Variants in SETD6 observed in about 807,000 individuals in gnomAD.
SETD6 encodes the protein SET domain containing 6, protein lysine methyltransferase.
Under a neutral mutation model 52.7 loss-of-function variants are expected in SETD6, and 67 were observed. The ratio of observed to expected loss-of-function variants is 1.27; its 90% CI spans 1.04 to 1.56. The LOEUF (loss-of-function observed/expected upper bound fraction) is 1.56, where lower values mean the gene tolerates loss of function less well. SETD6 is among the 40% of genes most tolerant of loss of function. SETD6 has a pLI of 0.00. For missense variants in SETD6, 712 were observed against 607.5 expected (o/e 1.17, Z -1.81); for synonymous variants, 307 against 250.2 (o/e 1.23, Z -2.14).
At position 58,516,821 on chromosome 16, in the gene SETD6, C is replaced by T. The variant is rs750979736; in HGVS notation, c.685C>T (p.Leu229=). Reference sequence around the variant, plus strand: ...TGTCAATGGCAGCTTTCAGGAACCACTGGAGGAAGAAGAGGATGAAAAGGA... The same window carrying T: ...TGTCAATGGCAGCTTTCAGGAACCATTGGAGGAAGAAGAGGATGAAAAGGA... ...LVMAYSFQEP[L]EEEEDEKEPN... Residue 229 remains leucine, a synonymous_variant, in exon 5 of 8, where the codon CTG becomes TTG. Coordinates refer to ENST00000219315, the MANE Select transcript of SETD6 (RefSeq NM_001160305.4). The T allele has an allele frequency of 1.9e-6, 3 of 1,614,078 alleles. No homozygotes were observed. The highest frequency in any genetic ancestry group is 1.7e-5 in the Admixed American group (1 of 60,014).
chr16:58,517,137 T>C, intron 5 of SETD6: 1 of 665,422 alleles, frequency 1.5e-6, no homozygotes, highest in South Asian at 1.8e-5. Flanking sequence ...TGATAAACTA[T>C]ACTACCATCA....
chr16:58,522,034 T>G lies in SETD6; in HGVS notation c.*3005T>G, dbSNP rs1159867421. ...AAATAAGAATTAAGTATTCTAACACTGCAGGCTGGGCACAGTGACTCACGC... is the reference window on the plus strand; with the variant it reads ...AAATAAGAATTAAGTATTCTAACACGGCAGGCTGGGCACAGTGACTCACGC... On this transcript the variant is annotated 3_prime_UTR_variant, in exon 8 of 8. Transcript: ENST00000219315. Among the ~76,000 whole-genome samples the G allele has an allele frequency of 1.3e-5, 2 of 150,952 alleles. No individual in the cohort carries two copies. The highest frequency in any genetic ancestry group is 2.9e-5 in the Non-Finnish European group (2 of 67,814).
In SETD6 at chr16:58,516,807, G is replaced by C. The variant is rs774787085; in HGVS notation, c.672-1G>C. 1 of 1,614,176 alleles carries C rather than the reference G, an allele frequency of 6.2e-7. No homozygotes were observed. The highest frequency in any genetic ancestry group is 1.1e-5 in the South Asian group (1 of 91,080). On this transcript the variant is annotated splice_acceptor_variant, in intron 4 of 7. Coordinates refer to ENST00000219315, the MANE Select transcript of SETD6 (RefSeq NM_001160305.4). LOFTEE classifies it high-confidence loss of function. Reference sequence around the variant, plus strand: ...CCTTAGCCAGGTTCTGTCAATGGCAGCTTTCAGGAACCACTGGAGGAAGAA... The same window carrying C: ...CCTTAGCCAGGTTCTGTCAATGGCACCTTTCAGGAACCACTGGAGGAAGAA...
Position 58,519,797 on chromosome 16 carries a change from T to C in SETD6, c.*768T>C, listed in dbSNP as rs1199029315. The C allele has an allele frequency of 6.7e-6, 1 of 148,862 alleles. No homozygotes were observed. Among genetic ancestry groups the C allele is most frequent in the East Asian group, 2.0e-4 (1 of 5,028 alleles). 9.2% of individuals were successfully genotyped at this position (148,862 alleles called of 1,614,324 possible). A position where few individuals can be genotyped will look rare whatever the true frequency, so the allele number is the denominator to read the frequency against. On this transcript the variant is annotated 3_prime_UTR_variant, in exon 8 of 8. Transcript: ENST00000219315. ...TTCCTTAAACATGCCAGCTTAGTAG[T>C]AGGAATGACCTATCAATCAATCAAT...
At position 58,523,494 on chromosome 16, in the gene SETD6, G is replaced by T. The variant is rs1328438791; in HGVS notation, c.*4465G>T. On this transcript the variant is annotated 3_prime_UTR_variant, in exon 8 of 8. Transcript: ENST00000219315. ...TGATTTGCAATTGCATTCAAAAAGA[G>T]ATAGCGACCTAGAAATTAAGAAACC... The T allele has an allele frequency of 6.2e-7, 1 of 1,613,894 alleles. No individual in the cohort carries two copies.
At position 58,523,438 on chromosome 16, in the gene SETD6, G is replaced by A. The variant is rs11644694; in HGVS notation, c.*4409G>A. The A allele has an allele frequency of 0.04, 63,852 of 1,613,818 alleles. 1,456 individuals are homozygous for A. The highest frequency in any genetic ancestry group is 0.048 in the Non-Finnish European group (56,508 of 1,179,714). ...AAAGGTACAGCATGGTGCAACTGAA[G>A]TAGTGAGTGTGGCTATTTGGGTACC... On this transcript the variant is annotated 3_prime_UTR_variant, in exon 8 of 8. Transcript: ENST00000219315.
chr16:58,520,720 G>C lies in SETD6; in HGVS notation c.*1691G>C, dbSNP rs2039339795. 3.7e-6 allele frequency: 2 copies of C among 543,394 alleles called. No homozygotes were observed. The highest frequency in any genetic ancestry group is 4.6e-5 in the South Asian group (2 of 43,852). 33.7% of individuals were successfully genotyped at this position (543,394 alleles called of 1,614,324 possible). A position where few individuals can be genotyped will look rare whatever the true frequency, so the allele number is the denominator to read the frequency against. On this transcript the variant is annotated 3_prime_UTR_variant, in exon 8 of 8. Transcript: ENST00000219315. Reference sequence around the variant, plus strand: ...TTTTCTCTTTCATGTATTTACACAAGTTCAAAATGATATTCACAGCATCTT... The same window carrying C: ...TTTTCTCTTTCATGTATTTACACAACTTCAAAATGATATTCACAGCATCTT...
Position 58,523,345 on chromosome 16 carries a change from T to C in SETD6, c.*4316T>C. On this transcript the variant is annotated 3_prime_UTR_variant, in exon 8 of 8. Coordinates refer to ENST00000219315, the MANE Select transcript of SETD6 (RefSeq NM_001160305.4). Reference sequence around the variant, plus strand: ...AAAGGGAGGAGATCCTTTTGAAGCATTTAAAAAATAAGCTGCTCGCTTACC... The same window carrying C: ...AAAGGGAGGAGATCCTTTTGAAGCACTTAAAAAATAAGCTGCTCGCTTACC... 1.3e-6 allele frequency: 2 copies of C among 1,560,126 alleles called. No homozygotes were observed. Among genetic ancestry groups the C allele is most frequent in the Admixed American group, 1.9e-5 (1 of 52,056 alleles).
At position 58,515,895 on chromosome 16, in the gene SETD6, C is replaced by A; in HGVS notation, c.132C>A (p.Ala44=). The change falls in exon 2 of 8, where the codon GCC becomes GCA. Residue 44 remains alanine, a synonymous_variant. Transcript: ENST00000219315. ...LELSPKVSER[A]GGRRTRGGAR... ...TGAGTCCCAAGGTGAGCGAGCGAGC[C>A]GGCGGGCGGAGGACCCGCGGCGGGG... is the stretch of plus-strand genomic sequence containing the variant. 6.6e-7 allele frequency: 1 copy of A among 1,507,518 alleles called. No homozygotes were observed. Among genetic ancestry groups the A allele is most frequent in the South Asian group, 1.3e-5 (1 of 79,420 alleles). The allele number at this position is 1,507,518 out of a possible 1,614,324, so 93.4% of individuals were successfully genotyped here. A position where few individuals can be genotyped will look rare whatever the true frequency, so the allele number is the denominator to read the frequency against.
In SETD6 at chr16:58,518,113, T is replaced by C. The variant is rs181707932; in HGVS notation, c.855T>C (p.Tyr285=). Residue 285 remains tyrosine, a synonymous_variant, in exon 6 of 8, where the codon TAT becomes TAC. Coordinates refer to ENST00000219315, the MANE Select transcript of SETD6 (RefSeq NM_001160305.4). The stretch of plus-strand genomic sequence containing the variant: ...AAGGCCATGAGATTTTCAACACTTA[T>C]GGGCAAATGGCTAACTGGCAACTGA... ...IPKGHEIFNT[Y]GQMANWQLIH... 204 of 1,614,218 alleles carry C rather than the reference T, an allele frequency of 1.3e-4. No individual in the cohort carries two copies. The highest frequency in any genetic ancestry group is 6.5e-4 in the East Asian group (29 of 44,876).
In SETD6 at chr16:58,522,555, A is replaced by AGT. The variant is rs10701404; in HGVS notation, c.*3541_*3542dup. 0.23 allele frequency among the ~76,000 whole-genome samples: 34,676 copies of AGT among 151,542 alleles called. 4,285 individuals carry two copies. The highest frequency in any genetic ancestry group is 0.33 in the African/African-American group (13,563 of 41,316). ...TTTAAGAGTCTGGCCCAATTTTTAAAGTGTGTGTGTGTGTGTATCACAATC... is the reference window on the plus strand; with the variant it reads ...TTTAAGAGTCTGGCCCAATTTTTAAAGTGTGTGTGTGTGTGTGTATCACAATC... On this transcript the variant is annotated 3_prime_UTR_variant, in exon 8 of 8. Coordinates refer to ENST00000219315, the MANE Select transcript of SETD6 (RefSeq NM_001160305.4).
rs555422785 is a variant in SETD6 at position 58,523,215 on chromosome 16, A to C, written c.*4186A>C. The C allele has an allele frequency of 2.0e-5, 14 of 685,516 alleles. No homozygotes were observed. The highest frequency in any genetic ancestry group is 2.0e-4 in the South Asian group (7 of 35,074). The allele number at this position is 685,516 out of a possible 1,614,324, so 42.5% of individuals were successfully genotyped here. On this transcript the variant is annotated 3_prime_UTR_variant, in exon 8 of 8. Transcript: ENST00000219315. ...AGCCAAGATGGCGCCACTGTACTGC[A>C]GACTGAGTGACAGAGCAACACTCCG...
At chr16:58,516,368 G>C (rs1397385645) in intron 3 of SETD6, 25 bp downstream of exon 3, 1 of 1,606,378 alleles carries the variant, frequency 6.2e-7, no homozygotes, top group Non-Finnish European at 8.5e-7. Context: ...AGGGGTTGGG[G>C]AGCGCCTGCA....
intron 1 of SETD6, 50 bp downstream of exon 1, chr16:58,515,614 C>A (rs1300398494): frequency 6.8e-7 from 1 of 1,477,172 alleles, no homozygotes; most frequent in East Asian, 2.7e-5. Context: ...CTCACCCCTT[C>A]TCCGTTCGCA....
At position 58,521,845 on chromosome 16, in the gene SETD6, G is replaced by A. The variant is rs1033809098; in HGVS notation, c.*2816G>A. Among the ~76,000 whole-genome samples, 1 of 151,520 alleles carries A rather than the reference G, an allele frequency of 6.6e-6. No homozygotes were observed. The highest frequency in any genetic ancestry group is 2.4e-5 in the African/African-American group (1 of 41,230). On this transcript the variant is annotated 3_prime_UTR_variant, in exon 8 of 8. Transcript: ENST00000219315. ...CCACATGCCTGTAATCCCAGCAGTC[G>A]GACGCTGAGGCAGGAGAATCGCTTG... is the stretch of plus-strand genomic sequence containing the variant.
chr16:58,515,887 G>T lies in SETD6; in HGVS notation c.124G>T (p.Glu42Ter). ...VGLELSPKVS[E>*]RAGGRRTRGG... ...GCTGGAGCTGAGTCCCAAGGTGAGC[G>T]AGCGAGCCGGCGGGCGGAGGACCCG... Residue 42 changes from glutamate (E) to a stop codon, truncating the protein, a stop_gained, in exon 2 of 8, where the codon GAG becomes TAG. Transcript: ENST00000219315. LOFTEE classifies it high-confidence loss of function. The T allele has an allele frequency of 6.6e-7, 1 of 1,514,526 alleles. No individual in the cohort carries two copies. Among genetic ancestry groups the T allele is most frequent in the Non-Finnish European group, 8.8e-7 (1 of 1,140,350 alleles). 93.8% of individuals were successfully genotyped at this position (1,514,526 alleles called of 1,614,324 possible). A position where few individuals can be genotyped will look rare whatever the true frequency, so the allele number is the denominator to read the frequency against.
At position 58,515,678 on chromosome 16, in the gene SETD6, C is replaced by T. The variant is rs2039098217; in HGVS notation, c.28-113C>T. 17 of 1,406,320 alleles carry T rather than the reference C, an allele frequency of 1.2e-5. No homozygotes were observed. The Middle Eastern group carries it at 5.5e-4, about 46-fold the overall frequency. 87.1% of individuals were successfully genotyped at this position (1,406,320 alleles called of 1,614,324 possible). A position where few individuals can be genotyped will look rare whatever the true frequency, so the allele number is the denominator to read the frequency against. On this transcript the variant is annotated intron_variant, in intron 1 of 7. Coordinates refer to ENST00000219315, the MANE Select transcript of SETD6 (RefSeq NM_001160305.4). ...CCTCCCGCGGGTCCCGCGCCCCTCT[C>T]CGCTCGTCCCCTCCTCCACCCAAAG...
chr16:58,519,216 A>C lies in SETD6; in HGVS notation c.*187A>C, dbSNP rs1360371495. 3.4e-6 allele frequency: 2 copies of C among 593,954 alleles called. No homozygotes were observed. Among genetic ancestry groups the C allele is most frequent in the Non-Finnish European group, 5.8e-6 (2 of 343,294 alleles). The allele number at this position is 593,954 out of a possible 1,614,324, so 36.8% of individuals were successfully genotyped here. ...GATGTGTTTTAGGATTGAGAACAGC[A>C]GACTTGGGAATCACTGCTAATTGTT... On this transcript the variant is annotated 3_prime_UTR_variant, in exon 8 of 8. Coordinates refer to ENST00000219315, the MANE Select transcript of SETD6 (RefSeq NM_001160305.4).
At position 58,518,398 on chromosome 16, in the gene SETD6, C is replaced by T. The variant is rs1463820599; in HGVS notation, c.974-3C>T. On this transcript the variant is annotated splice_region_variant and splice_polypyrimidine_tract_variant and intron_variant, in intron 6 of 7. Transcript: ENST00000219315. ...GACTTTCACATTGCTGTTTCATCTA[C>T]AGGAACAAAAACTGAAGCTGAAAGG... The T allele has an allele frequency of 7.6e-6, 12 of 1,580,178 alleles. No individual in the cohort carries two copies. Among genetic ancestry groups the T allele is most frequent in the Non-Finnish European group, 1.0e-5 (12 of 1,168,556 alleles).
Sources: allele counts gnomAD v4.1 joint callset (sites outside exome capture counted in the v4.1 genomes callset), GRCh38; gene constraint gnomAD v4.1.1; transcripts MANE v1.5; gene names NCBI Gene and HGNC (gene_info 2026-07-23, HGNC 2026-07-21).